ACTC1: variants seen among roughly 807,000 people sequenced by gnomAD.
The protein encoded by ACTC1 is actin, alpha cardiac muscle 1.
In ACTC1, 10 loss-of-function variants were observed where a neutral mutation model predicts 31.6. The observed-to-expected ratio is 0.32, with a 90% CI of 0.19 to 0.54. ACTC1 has a LOEUF of 0.54. ACTC1 is among the 20% of genes least tolerant of loss of function. The pLI is 0.95. For synonymous variants in ACTC1, 196 were observed against 185.0 expected, an observed-to-expected ratio of 1.06 and a Z score of -0.48; for missense variants, 129 against 506.4, an observed-to-expected ratio of 0.25 and a Z score of 7.15.
At chr15:34,791,866 C>G in intron 5 of ACTC1, 1 of 567,414 alleles carries the variant, frequency 1.8e-6, no homozygotes, top group East Asian at 3.1e-5. Flanking sequence ...CTGTGTCATC[C>G]TTTATTTTGA....
intron 5 of ACTC1, 89 bp from the exon 6 acceptor site, chr15:34,791,384 A>G (rs1422194609): frequency 2.0e-6 from 3 of 1,536,090 alleles, no homozygotes; most frequent in South Asian, 2.2e-5. Context: ...GGTAGAGGGA[A>G]GAGAACAGAA....
chr15:34,792,044 G>T lies in ACTC1; in HGVS notation c.808+46C>A. 6.2e-7 allele frequency: 1 copy of T among 1,607,734 alleles called. No individual in the cohort carries two copies. Among genetic ancestry groups the T allele is most frequent in the Non-Finnish European group, 8.5e-7 (1 of 1,175,276 alleles). On this transcript the variant is annotated intron_variant, in intron 5 of 6. Coordinates refer to ENST00000290378, the MANE Select transcript of ACTC1 (RefSeq NM_005159.5). This position sits in a 1 kb window ranked among gnomAD's most constrained non-coding sequence, Gnocchi z 5.3. ...TAGATTTTACTCTGGGAGACCCTAA[G>T]ATTTCCAGGGAAAATCGTGCCTCTG...
At position 34,792,952 on chromosome 15, in the gene ACTC1, A is replaced by G. The variant is rs371625325; in HGVS notation, c.454+293T>C. 1.9e-6 allele frequency: 1 copy of G among 527,156 alleles called. No homozygotes were observed. 32.7% of individuals were successfully genotyped at this position (527,156 alleles called of 1,614,324 possible). On this transcript the variant is annotated intron_variant, in intron 3 of 6. Transcript: ENST00000290378. This position sits in a 1 kb window ranked among gnomAD's most constrained non-coding sequence, Gnocchi z 5.3. The stretch of plus-strand genomic sequence containing the variant: ...GTATTCTCCTTGGGGATGCTTGCCC[A>G]GGTGATGTGATGGTTTAAACACATA...
At position 34,793,746 on chromosome 15, in the gene ACTC1, C is replaced by T. The variant is rs1157535168; in HGVS notation, c.130-177G>A. On this transcript the variant is annotated intron_variant, in intron 2 of 6. Coordinates refer to ENST00000290378, the MANE Select transcript of ACTC1 (RefSeq NM_005159.5). This position sits in a 1 kb window ranked among gnomAD's most constrained non-coding sequence, Gnocchi z 4.8. ...TATTTAAAAATCAATCTTCTACCTT[C>T]TCCCCACTCCCCCAAAGATGTATAA... 6.6e-6 allele frequency among the ~76,000 whole-genome samples: 1 copy of T among 152,220 alleles called. No homozygotes were observed. Among genetic ancestry groups the T allele is most frequent in the African/African-American group, 2.4e-5 (1 of 41,460 alleles).
At chr15:34,790,939 G>A (rs1190953045) in intron 6 of ACTC1, among the ~76,000 whole-genome samples, 175 bp downstream of exon 6, 1 of 152,068 alleles carries the variant, frequency 6.6e-6, no homozygotes, top group Non-Finnish European at 1.5e-5. Flanking sequence ...AAGCATTTTG[G>A]AAGTTACCTA....
chr15:34,795,220 C>T (rs1044649065), intron 1 of ACTC1, among the ~76,000 whole-genome samples: 3 of 152,108 alleles, frequency 2.0e-5, no homozygotes, highest in African/African-American at 7.2e-5. Context: ...GAGGGGAAAG[C>T]GCACGAGAGT....
At chr15:34,791,791 C>A (rs375944676) in intron 5 of ACTC1, 1 of 421,860 alleles carries the variant, frequency 2.4e-6, no homozygotes, top group Non-Finnish European at 4.4e-6. Flanking sequence ...GTGAAACTTA[C>A]GGGAATAAGT....
chr15:34,791,138 C>G lies in ACTC1; in HGVS notation c.966G>C (p.Leu322=). 1 of 1,607,096 alleles carries G rather than the reference C, an allele frequency of 6.2e-7. No individual in the cohort carries two copies. Residue 322 remains leucine, a synonymous_variant, in exon 6 of 7, where the codon CTG becomes CTC. Coordinates refer to ENST00000290378, the MANE Select transcript of ACTC1 (RefSeq NM_005159.5). ...CCTTAATCTTCATGGTGCTAGGAGC[C>G]AGAGCAGTGATTTCCTTCTGCATAC... is the stretch of plus-strand genomic sequence containing the variant. ...ADRMQKEITA[L]APSTMKIKII... is the part of the protein sequence containing the mutation.
chr15:34,794,927 G>T, intron 1 of ACTC1, 97 bp from the exon 2 acceptor site: 1 of 1,276,656 alleles, frequency 7.8e-7, no homozygotes, highest in Non-Finnish European at 1.1e-6. Context: ...AGGGGGTTGT[G>T]GGGACTGGAC....
Position 34,790,301 on chromosome 15 carries a change from G to T in ACTC1, c.*111C>A. 2 of 1,409,614 alleles carry T rather than the reference G, an allele frequency of 1.4e-6. No homozygotes were observed. Among genetic ancestry groups the T allele is most frequent in the African/African-American group, 1.4e-5 (1 of 70,772 alleles). 87.3% of individuals were successfully genotyped at this position (1,409,614 alleles called of 1,614,324 possible). A position where few individuals can be genotyped will look rare whatever the true frequency, so the allele number is the denominator to read the frequency against. On this transcript the variant is annotated 3_prime_UTR_variant, in exon 7 of 7. Coordinates refer to ENST00000290378, the MANE Select transcript of ACTC1 (RefSeq NM_005159.5). ...AGAAGCACAAACAAATTGCACGTGT[G>T]TAAACAAACTGTACAATGATTGATG...
chr15:34,791,150 T>C lies in ACTC1; in HGVS notation c.954A>G (p.Glu318=). The C allele has an allele frequency of 6.2e-7, 1 of 1,609,422 alleles. No individual in the cohort carries two copies. The change falls in exon 6 of 7, where the codon GAA becomes GAG. Residue 318 remains glutamate, a synonymous_variant. Transcript: ENST00000290378. ...TGGTGCTAGGAGCCAGAGCAGTGATTTCCTTCTGCATACGATCAGCAATAC... is the reference window on the plus strand; with the variant it reads ...TGGTGCTAGGAGCCAGAGCAGTGATCTCCTTCTGCATACGATCAGCAATAC... ...YPGIADRMQK[E]ITALAPSTMK...
At chr15:34,794,943 GTT>G in intron 1 of ACTC1, 113 bp from the exon 2 acceptor site, 3 of 533,030 alleles carry the variant, frequency 5.6e-6, no homozygotes, top group Non-Finnish European at 9.0e-6. Flanking sequence ...TGGACAGGGG[GTT>G]GGGCGGGGAA....
chr15:34,792,695 T>C lies in ACTC1; in HGVS notation c.455-126A>G. 2.1e-6 allele frequency: 2 copies of C among 971,392 alleles called. No homozygotes were observed. The highest frequency in any genetic ancestry group is 1.6e-6 in the Non-Finnish European group (1 of 618,914). The allele number at this position is 971,392 out of a possible 1,614,324, so 60.2% of individuals were successfully genotyped here. ...GCAATGGGCATTGATCCAGATAAAA[T>C]TAGATTCCTTACACACAAAGAATAA... is the stretch of plus-strand genomic sequence containing the variant. On this transcript the variant is annotated intron_variant, in intron 3 of 6. Transcript: ENST00000290378. The surrounding 1 kb of genome is among the most constrained non-coding windows in gnomAD (Gnocchi z 5.3).
chr15:34,791,986 A>C, intron 5 of ACTC1, 104 bp downstream of exon 5: 3 of 1,268,386 alleles, frequency 2.4e-6, no homozygotes, highest in Non-Finnish European at 2.3e-6. Context: ...CCAAACTATG[A>C]CTTCTTTTAA....
In ACTC1 at chr15:34,792,353, G is replaced by T; in HGVS notation, c.616+55C>A. On this transcript the variant is annotated intron_variant, in intron 4 of 6. Transcript: ENST00000290378. The surrounding 1 kb of genome is among the most constrained non-coding windows in gnomAD (Gnocchi z 5.3). ...AATTATAGGGAGGTAGGCGGATTCA[G>T]TGAGAGAGGAGGAAAGCAGACCCAC... The T allele has an allele frequency of 6.2e-7, 1 of 1,613,996 alleles. No homozygotes were observed. Among genetic ancestry groups the T allele is most frequent in the Admixed American group, 1.7e-5 (1 of 60,024 alleles).
Position 34,792,909 on chromosome 15 carries a change from T to C in ACTC1, c.454+336A>G. The C allele has an allele frequency of 2.0e-6, 1 of 507,988 alleles. No individual in the cohort carries two copies. The highest frequency in any genetic ancestry group is 3.6e-6 in the Non-Finnish European group (1 of 280,700). The allele number at this position is 507,988 out of a possible 1,614,324, so 31.5% of individuals were successfully genotyped here. A position where few individuals can be genotyped will look rare whatever the true frequency, so the allele number is the denominator to read the frequency against. On this transcript the variant is annotated intron_variant, in intron 3 of 6. Coordinates refer to ENST00000290378, the MANE Select transcript of ACTC1 (RefSeq NM_005159.5). The surrounding 1 kb of genome is among the most constrained non-coding windows in gnomAD (Gnocchi z 5.3). ...CTTACACGTTTCTCTCTCTTTTGAC[T>C]CAGACCCTGTATGGAATGTATTCTC... is the stretch of plus-strand genomic sequence containing the variant.
Position 34,794,670 on chromosome 15 carries a change from G to C in ACTC1, c.129+10C>G. ...CCCGAGTGGGACGGGGGGCTCGGCG[G>C]GAAGTTTACCTGGTGCCGCGGGCGG... On this transcript the variant is annotated intron_variant, in intron 2 of 6. Coordinates refer to ENST00000290378, the MANE Select transcript of ACTC1 (RefSeq NM_005159.5). 6.2e-7 allele frequency: 1 copy of C among 1,610,622 alleles called. No individual in the cohort carries two copies. The highest frequency in any genetic ancestry group is 1.3e-5 in the African/African-American group (1 of 75,006).
At position 34,790,322 on chromosome 15, in the gene ACTC1, T is replaced by A; in HGVS notation, c.*90A>T. The stretch of plus-strand genomic sequence containing the variant: ...GTGTGTAAACAAACTGTACAATGAT[T>A]GATGAAAGATGAGGGAAGGTGGTTT... On this transcript the variant is annotated 3_prime_UTR_variant, in exon 7 of 7. Coordinates refer to ENST00000290378, the MANE Select transcript of ACTC1 (RefSeq NM_005159.5). 12 of 1,492,796 alleles carry A rather than the reference T, an allele frequency of 8.0e-6. No individual in the cohort carries two copies. Among genetic ancestry groups the A allele is most frequent in the Non-Finnish European group, 1.1e-5 (12 of 1,071,964 alleles). 92.5% of individuals were successfully genotyped at this position (1,492,796 alleles called of 1,614,324 possible).
Position 34,793,168 on chromosome 15 carries a change from T to TG in ACTC1, c.454+76dup. The TG allele has an allele frequency of 6.9e-7, 1 of 1,450,560 alleles. No individual in the cohort carries two copies. The highest frequency in any genetic ancestry group is 1.2e-5 in the South Asian group (1 of 85,074). The allele number at this position is 1,450,560 out of a possible 1,614,324, so 89.9% of individuals were successfully genotyped here. A position where few individuals can be genotyped will look rare whatever the true frequency, so the allele number is the denominator to read the frequency against. ...GGAAAGGGATTATCCCTTTTTCAACTGGGGGATCTGATTCACAGCAAGGTC... is the reference window on the plus strand; with the variant it reads ...GGAAAGGGATTATCCCTTTTTCAACTGGGGGGATCTGATTCACAGCAAGGTC... On this transcript the variant is annotated intron_variant, in intron 3 of 6. Coordinates refer to ENST00000290378, the MANE Select transcript of ACTC1 (RefSeq NM_005159.5). The surrounding 1 kb of genome is among the most constrained non-coding windows in gnomAD (Gnocchi z 4.8).
Sources: gnomAD v4.1 joint callset for allele counts (sites outside exome capture counted in the v4.1 genomes callset) on GRCh38, gnomAD v4.1.1 for gene constraint, Gnocchi (gnomAD v3.1) non-coding constraint, MANE v1.5 for transcripts, NCBI Gene and HGNC (gene_info 2026-07-23, HGNC 2026-07-21) for gene names.